Variants in NEIL3 observed in about 807,000 individuals in gnomAD.
NEIL3 encodes the protein endonuclease 8-like 3.
A neutral mutation model predicts 57.5 loss-of-function variants in NEIL3; 48 were observed. The observed-to-expected ratio is 0.83, with a 90% CI of 0.66 to 1.06. NEIL3 has a LOEUF of 1.06. Among genes scored for constraint, NEIL3 ranks in the 50% least tolerant of loss-of-function variants. NEIL3 has a pLI of 0.00. For synonymous variants in NEIL3, 261 were observed against 253.2 expected, an observed-to-expected ratio of 1.03 and a Z score of -0.29; for missense variants, 717 against 739.1, an observed-to-expected ratio of 0.97 and a Z score of 0.35.
chr4:177,312,493 ATTCTC>A (rs1008765671), intron 1 of NEIL3, among the ~76,000 whole-genome samples: 39 of 152,214 alleles, frequency 2.6e-4, no homozygotes, highest in African/African-American at 8.2e-4. Context: ...GGTTGAGTCA[ATTCTC>A]TTATATCTAT....
In NEIL3 at chr4:177,350,508, C is replaced by T. The variant is rs561149069; in HGVS notation, c.870-872C>T. Reference sequence around the variant, plus strand: ...TGCTAATCTATTAATTGGCTATCCACCATGAAACAGTCTTACATGAAGGGA... The same window carrying T: ...TGCTAATCTATTAATTGGCTATCCATCATGAAACAGTCTTACATGAAGGGA... On this transcript the variant is annotated intron_variant, in intron 6 of 9. Transcript: ENST00000264596. Among the ~76,000 whole-genome samples, 3 of 152,208 alleles carry T rather than the reference C, an allele frequency of 2.0e-5. No homozygotes were observed. In the East Asian group the frequency reaches 5.8e-4, roughly 29 times the overall value.
At chr4:177,326,500 G>A (rs1578991027) in intron 2 of NEIL3, among the ~76,000 whole-genome samples, 3 of 150,588 alleles carry the variant, frequency 2.0e-5, no homozygotes, top group South Asian at 2.1e-4. Flanking sequence ...AGTGTCAGTC[G>A]TCTGACTTTA....
chr4:177,327,603 G>A (rs1362858494), intron 2 of NEIL3, among the ~76,000 whole-genome samples: 2 of 151,960 alleles, frequency 1.3e-5, no homozygotes, highest in East Asian at 3.9e-4. Context: ...CACCCTATAT[G>A]CCTTTTATTT....
At chr4:177,367,075 T>C (rs1483238731), downstream of NEIL3, among the ~76,000 whole-genome samples, 2 of 152,242 alleles carry the variant, frequency 1.3e-5, no homozygotes, top group African/African-American at 4.8e-5. Flanking sequence ...GTATAATTGA[T>C]TTCTTGAAGC....
At chr4:177,318,011 T>G (rs1734607283) in intron 1 of NEIL3, among the ~76,000 whole-genome samples, 1 of 152,160 alleles carries the variant, frequency 6.6e-6, no homozygotes, top group Non-Finnish European at 1.5e-5. Flanking sequence ...AAAAACTTCT[T>G]TCAAAAAAAC....
At chr4:177,315,739 G>A (rs943398681) in intron 1 of NEIL3, among the ~76,000 whole-genome samples, 5 of 152,084 alleles carry the variant, frequency 3.3e-5, no homozygotes, top group African/African-American at 9.7e-5. Flanking sequence ...ACCTTAAGAT[G>A]GATTTTTAAA....
intron 9 of NEIL3, among the ~76,000 whole-genome samples, chr4:177,361,602 T>C (rs1735608754): frequency 6.6e-6 from 1 of 152,204 alleles, no homozygotes; most frequent in Non-Finnish European, 1.5e-5. Context: ...GAAAATATTA[T>C]TAGCAATATT....
chr4:177,316,498 A>G (rs1203817720), intron 1 of NEIL3, among the ~76,000 whole-genome samples: 1 of 152,128 alleles, frequency 6.6e-6, no homozygotes, highest in African/African-American at 2.4e-5. Context: ...TTAGAAAATA[A>G]GATATTGGGA....
At chr4:177,340,984 A>G (rs1220339457) in intron 5 of NEIL3, among the ~76,000 whole-genome samples, 4 of 152,066 alleles carry the variant, frequency 2.6e-5, no homozygotes, top group Admixed American at 2.6e-4. Flanking sequence ...GGAAAAAAAA[A>G]TCCTTTTTCA....
chr4:177,335,876 G>C, intron 3 of NEIL3, 54 bp downstream of exon 3: 1 of 1,460,422 alleles, frequency 6.8e-7, no homozygotes, highest in Non-Finnish European at 9.1e-7. Flanking sequence ...AGCTTGGTTT[G>C]GGATGTCACA....
At chr4:177,365,648 A>C (rs1484653383), downstream of NEIL3, among the ~76,000 whole-genome samples, 1 of 152,196 alleles carries the variant, frequency 6.6e-6, no homozygotes, top group Non-Finnish European at 1.5e-5. Context: ...ATCTTTCTTA[A>C]ATATATGTAC....
At chr4:177,347,678 G>GA (rs1051603623) in intron 6 of NEIL3, among the ~76,000 whole-genome samples, 9 of 151,760 alleles carry the variant, frequency 5.9e-5, no homozygotes, top group South Asian at 4.2e-4. Flanking sequence ...AAGGTGGTGG[G>GA]AAAAAAAGGT....
intron 6 of NEIL3, among the ~76,000 whole-genome samples, chr4:177,351,164 A>G (rs77387112): frequency 7.3e-6 from 1 of 136,652 alleles, no homozygotes; most frequent in Non-Finnish European, 1.5e-5. Context: ...TAATGGTGCC[A>G]CTACGCTGCA....
At chr4:177,339,881 T>C in intron 5 of NEIL3, 24 bp downstream of exon 5, 1 of 1,314,154 alleles carries the variant, frequency 7.6e-7, no homozygotes, top group Non-Finnish European at 1.0e-6. Context: ...TTTTCAACTG[T>C]GTAAAATGTA....
At chr4:177,365,585 G>A (rs1735683495), downstream of NEIL3, among the ~76,000 whole-genome samples, 1 of 152,092 alleles carries the variant, frequency 6.6e-6, no homozygotes, top group African/African-American at 2.4e-5. Context: ...CTGCAGTGTG[G>A]AGGGTGAATG....
At chr4:177,325,531 A>G (rs1350355205) in intron 2 of NEIL3, among the ~76,000 whole-genome samples, 2 of 152,132 alleles carry the variant, frequency 1.3e-5, no homozygotes, top group Admixed American at 6.6e-5. Flanking sequence ...TGACATATAT[A>G]TGTGGACATA....
rs970181561 is a variant in NEIL3, at chr4:177,335,587, A to G, written c.279-101A>G. 1.9e-5 allele frequency: 20 copies of G among 1,053,562 alleles called. No individual in the cohort carries two copies. In the African/African-American group the frequency reaches 2.4e-4, roughly 13 times the overall value. 65.3% of individuals were successfully genotyped at this position (1,053,562 alleles called of 1,614,324 possible). On this transcript the variant is annotated intron_variant, in intron 2 of 9. Transcript: ENST00000264596. ...TTTAAAAGTGTCTATCCTGACTAAC[A>G]TTTGTTTGCTTATAATCCAAAAAAA...
chr4:177,338,203 C>T (rs968221941), intron 4 of NEIL3, among the ~76,000 whole-genome samples: 1 of 152,086 alleles, frequency 6.6e-6, no homozygotes, highest in Non-Finnish European at 1.5e-5. Context: ...TTTAAGTGAA[C>T]AATTGAATAT....
At chr4:177,364,201 A>T (rs1735662409), downstream of NEIL3, among the ~76,000 whole-genome samples, 2 of 152,188 alleles carry the variant, frequency 1.3e-5, no homozygotes, top group Non-Finnish European at 1.5e-5. Flanking sequence ...AAAAAATCTC[A>T]GTGGGGGTTT....
Sources: gnomAD v4.1 joint callset for allele counts (sites outside exome capture counted in the v4.1 genomes callset) on GRCh38, gnomAD v4.1.1 for gene constraint, MANE v1.5 for transcripts, NCBI Gene and HGNC (gene_info 2026-07-23, HGNC 2026-07-21) for gene names.